Variants in PAPPA2 observed in about 807,000 individuals in gnomAD.
The protein encoded by PAPPA2 is pappalysin-2.
Under a neutral mutation model 176.4 loss-of-function variants are expected in PAPPA2, and 86 were observed. The observed-to-expected ratio is 0.49, with a 90% CI of 0.41 to 0.58. The LOEUF is 0.58. Among genes scored for constraint, PAPPA2 ranks in the 20% least tolerant of loss-of-function variants. The pLI is 0.00. For synonymous variants in PAPPA2, 809 were observed against 852.2 expected, an observed-to-expected ratio of 0.95 and a Z score of 0.88; for missense variants, 2,073 against 2,256.9, an observed-to-expected ratio of 0.92 and a Z score of 1.65.
At chr1:176,589,288 T>G (rs1368999587) in intron 2 of PAPPA2, among the ~76,000 whole-genome samples, 2 of 152,218 alleles carry the variant, frequency 1.3e-5, no homozygotes, top group Non-Finnish European at 2.9e-5. Context: ...TGCTGGTAAT[T>G]AATGATAGTA....
intron 1 of PAPPA2, among the ~76,000 whole-genome samples, chr1:176,509,112 C>T (rs61821103): frequency 1 from 2 of 2 alleles, 1 homozygote; most frequent in Non-Finnish European, 1. Flanking sequence ...ACTATTTAAT[C>T]AGAGGTCAGA....
chr1:176,603,561 G>C (rs1283425778), intron 3 of PAPPA2, among the ~76,000 whole-genome samples: 1 of 152,178 alleles, frequency 6.6e-6, no homozygotes, highest in Non-Finnish European at 1.5e-5. Context: ...TTCTTACCCA[G>C]AGCGCTGTCC....
At chr1:176,773,153 C>T (rs930258871) in intron 17 of PAPPA2, among the ~76,000 whole-genome samples, 4 of 152,168 alleles carry the variant, frequency 2.6e-5, no homozygotes, top group African/African-American at 7.2e-5. Context: ...TCAGTTTGGG[C>T]TTAAACGTTG....
At chr1:176,538,281 T>C (rs958909939) in intron 1 of PAPPA2, among the ~76,000 whole-genome samples, 10 of 152,198 alleles carry the variant, frequency 6.6e-5, no homozygotes, top group African/African-American at 2.4e-4. Context: ...TGAGCATGTG[T>C]TAGGTGTCAG....
At chr1:176,572,753 A>G (rs1186530796) in intron 2 of PAPPA2, among the ~76,000 whole-genome samples, 2 of 152,246 alleles carry the variant, frequency 1.3e-5, no homozygotes, top group African/African-American at 4.8e-5. Flanking sequence ...TCACTTTAAG[A>G]AAACCTGACA....
At chr1:176,713,394 A>G (rs1008652166) in intron 12 of PAPPA2, among the ~76,000 whole-genome samples, 1 of 152,150 alleles carries the variant, frequency 6.6e-6, no homozygotes, top group Non-Finnish European at 1.5e-5. Context: ...ATCAAACTCA[A>G]GTTAACCAAA....
chr1:176,787,499 G>A (rs1571327136), intron 17 of PAPPA2, among the ~76,000 whole-genome samples: 1 of 152,062 alleles, frequency 6.6e-6, no homozygotes, highest in Non-Finnish European at 1.5e-5. Flanking sequence ...GCTTCTCAAA[G>A]TGCTGGGATT....
chr1:176,660,645 G>A (rs1658311891), intron 3 of PAPPA2, among the ~76,000 whole-genome samples: 1 of 151,984 alleles, frequency 6.6e-6, no homozygotes, highest in Non-Finnish European at 1.5e-5. Flanking sequence ...TCCTTATAAA[G>A]ATCTCATGAG....
intron 12 of PAPPA2, among the ~76,000 whole-genome samples, chr1:176,738,129 C>T (rs1277726055): frequency 6.6e-6 from 1 of 152,054 alleles, no homozygotes; most frequent in East Asian, 1.9e-4. Flanking sequence ...TCTTGGTTAC[C>T]TTAGGGTGTG....
intron 3 of PAPPA2, among the ~76,000 whole-genome samples, chr1:176,622,686 A>G (rs995766069): frequency 1.1e-4 from 17 of 152,172 alleles, no homozygotes; most frequent in African/African-American, 4.1e-4. Flanking sequence ...ATGTATAGAG[A>G]GTTGGTAAAA....
Position 176,699,503 on chromosome 1 carries a change from T to A in PAPPA2, c.3150T>A (p.Pro1050=), listed in dbSNP as rs776103262. ...PHSPLCSGCR[P]VRYQVLRDPP... ...GTCCCTTGTGCTCTGGCTGCAGGCC[T>A]GTGAGGTACCAGGTTCTCCGCGATC... Residue 1050 remains proline (P), a synonymous_variant, in exon 8 of 23, where the codon CCT becomes CCA. Transcript: ENST00000367662. 2 of 1,614,124 alleles carry A rather than the reference T, an allele frequency of 1.2e-6. No individual in the cohort carries two copies. Among genetic ancestry groups the A allele is most frequent in the Non-Finnish European group, 1.7e-6 (2 of 1,179,986 alleles).
intron 1 of PAPPA2, among the ~76,000 whole-genome samples, chr1:176,501,279 AT>A (rs892951034): frequency 1.3e-5 from 2 of 151,990 alleles, no homozygotes; most frequent in Non-Finnish European, 2.9e-5. Flanking sequence ...ATATCTCCCT[AT>A]TTTTTAGTTA....
intron 14 of PAPPA2, among the ~76,000 whole-genome samples, chr1:176,755,716 C>T (rs1414090033): frequency 6.6e-6 from 1 of 152,146 alleles, no homozygotes; most frequent in Non-Finnish European, 1.5e-5. Context: ...AGAGTTGACG[C>T]TTGAACAGCA....
At chr1:176,518,426 C>A (rs1014544859) in intron 1 of PAPPA2, among the ~76,000 whole-genome samples, 9 of 149,702 alleles carry the variant, frequency 6.0e-5, no homozygotes, top group Admixed American at 1.3e-4. Context: ...TATGGAGTTA[C>A]CTGTAATTGT....
intron 3 of PAPPA2, among the ~76,000 whole-genome samples, chr1:176,599,288 T>A (rs540631771): frequency 6.6e-6 from 1 of 151,660 alleles, no homozygotes; most frequent in African/African-American, 2.4e-5. Flanking sequence ...TGTAAGATTA[T>A]TTTTTAGGGA....
chr1:176,477,764 A>C (rs997547679), intron 1 of PAPPA2, among the ~76,000 whole-genome samples: 22 of 121,450 alleles, frequency 1.8e-4, no homozygotes, highest in Non-Finnish European at 2.5e-4. Context: ...ATAAATAAAA[A>C]ACATTAAAAA....
intron 3 of PAPPA2, among the ~76,000 whole-genome samples, chr1:176,670,735 C>T (rs1478751324): frequency 6.6e-6 from 1 of 152,098 alleles, no homozygotes; most frequent in Non-Finnish European, 1.5e-5. Context: ...ATGGAGTATC[C>T]ATACAAACAT....
intron 17 of PAPPA2, among the ~76,000 whole-genome samples, chr1:176,787,131 G>C (rs372269172): frequency 6.6e-6 from 1 of 152,194 alleles, no homozygotes; most frequent in South Asian, 2.1e-4. Context: ...AATGTACATA[G>C]GTATCTTGCC....
chr1:176,646,452 T>C (rs1407793980), intron 3 of PAPPA2, among the ~76,000 whole-genome samples: 1 of 150,826 alleles, frequency 6.6e-6, no homozygotes, highest in African/African-American at 2.4e-5. Context: ...AAATGTATAA[T>C]AAATTATTCT....
Sources: gnomAD v4.1 joint callset for allele counts (sites outside exome capture counted in the v4.1 genomes callset) on GRCh38, gnomAD v4.1.1 for gene constraint, MANE v1.5 for transcripts, NCBI Gene and HGNC (gene_info 2026-07-23, HGNC 2026-07-21) for gene names.